The following SLC12A2 variants were observed in gnomAD, a reference collection of about 807,000 sequenced individuals.
SLC12A2 encodes solute carrier family 12 member 2, also known as Na-K-2Cl cotransporter 1.
A neutral mutation model predicts 136.3 loss-of-function variants in SLC12A2; 67 were observed. The ratio of observed to expected loss-of-function variants is 0.49; its 90% CI spans 0.40 to 0.60. The LOEUF is 0.60. SLC12A2 is among the 20% of genes least tolerant of loss of function. SLC12A2 has a pLI of 0.00. For missense variants in SLC12A2, 1,322 were observed against 1,534.7 expected (o/e 0.86, Z 2.32); for synonymous variants, 619 against 562.9 (o/e 1.10, Z -1.41).
At position 128,105,286 on chromosome 5, in the gene SLC12A2, G is replaced by A. The variant is rs535045375; in HGVS notation, c.757-7528G>A. Among the ~76,000 whole-genome samples, 52 of 152,324 alleles carry A rather than the reference G, an allele frequency of 3.4e-4. 2 individuals carry two copies. The highest frequency in any genetic ancestry group is 1.2e-3 in the South Asian group (6 of 4,832). ...TTACGACTTAACACATATACACGAT[G>A]TTTAGAGCTATGAGTCTGGTACGAT... On this transcript the variant is annotated intron_variant, in intron 1 of 26. Transcript: ENST00000262461.
chr5:128,156,739 T>C (rs1762882741), intron 15 of SLC12A2, among the ~76,000 whole-genome samples: 1 of 152,186 alleles, frequency 6.6e-6, no homozygotes, highest in South Asian at 2.1e-4. Flanking sequence ...TCCTTATCAG[T>C]CTGCCATTCC....
At position 128,161,743 on chromosome 5, in the gene SLC12A2, A is replaced by G. The variant is rs1053617; in HGVS notation, c.2559A>G (p.Ala853=). The change falls in exon 17 of 27, where the codon GCA becomes GCG. Residue 853 remains alanine, a synonymous_variant. Transcript: ENST00000262461. The part of the protein sequence containing the change: ...QRWLIKNKMK[A]FYAPVHADDL... ...GGCTTATTAAGAACAAAATGAAGGC[A>G]TTTTATGCTCCAGTACATGCAGATG... is the stretch of plus-strand genomic sequence containing the variant. 4 of 1,534,222 alleles carry G rather than the reference A, an allele frequency of 2.6e-6. No homozygotes were observed. The highest frequency in any genetic ancestry group is 2.8e-5 in the African/African-American group (2 of 70,724).
At chr5:128,123,494 T>C (rs1761666548) in intron 4 of SLC12A2, among the ~76,000 whole-genome samples, 1 of 152,182 alleles carries the variant, frequency 6.6e-6, no homozygotes, top group African/African-American at 2.4e-5. Context: ...TCACCAACAG[T>C]TGGTATGGTC....
intron 10 of SLC12A2, among the ~76,000 whole-genome samples, chr5:128,145,945 G>A (rs1226075387): frequency 6.6e-6 from 1 of 151,946 alleles, no homozygotes. Context: ...ACTGCTGGGA[G>A]ATTTATAATA....
chr5:128,151,548 C>T, intron 14 of SLC12A2, 152 bp downstream of exon 14: 1 of 620,484 alleles, frequency 1.6e-6, no homozygotes, highest in Non-Finnish European at 2.5e-6. Context: ...TATTTCCAAA[C>T]TCCTAAAGTT....
At position 128,180,192 on chromosome 5, in the gene SLC12A2, G is replaced by C. The variant is rs147196867; in HGVS notation, c.3101-691G>C. On this transcript the variant is annotated intron_variant, in intron 22 of 26. Coordinates refer to ENST00000262461, the MANE Select transcript of SLC12A2 (RefSeq NM_001046.3). ...TCATCGTGTTAGCCAGGATGGTCTCGATCTCCTGACCTCGTGATCCACCCA... is the reference window on the plus strand; with the variant it reads ...TCATCGTGTTAGCCAGGATGGTCTCCATCTCCTGACCTCGTGATCCACCCA... Among the ~76,000 whole-genome samples, 1,321 of 151,522 alleles carry C rather than the reference G, an allele frequency of 8.7e-3. 22 individuals carry two copies. Among genetic ancestry groups the C allele is most frequent in the African/African-American group, 0.03 (1,241 of 41,254 alleles).
chr5:128,106,250 A>G (rs1362703539), intron 1 of SLC12A2, among the ~76,000 whole-genome samples: 1 of 152,202 alleles, frequency 6.6e-6, no homozygotes, highest in Non-Finnish European at 1.5e-5. Context: ...CCAAAAATCT[A>G]TCATTTCTGT....
intron 14 of SLC12A2, among the ~76,000 whole-genome samples, chr5:128,152,466 A>G (rs1289044895): frequency 6.6e-6 from 1 of 152,210 alleles, no homozygotes; most frequent in Admixed American, 6.5e-5. Context: ...TATGCACAGC[A>G]TGTCTGCAGC....
intron 1 of SLC12A2, among the ~76,000 whole-genome samples, chr5:128,111,721 C>T (rs865817867): frequency 8.7e-5 from 13 of 148,922 alleles, no homozygotes; most frequent in Admixed American, 3.4e-4. Flanking sequence ...GCTGAGATCG[C>T]GCCACTGCAC....
chr5:128,104,586 C>T (rs965906081), intron 1 of SLC12A2, among the ~76,000 whole-genome samples: 2 of 151,166 alleles, frequency 1.3e-5, no homozygotes, highest in Non-Finnish European at 2.9e-5. Context: ...GAGCCCAGAT[C>T]GTGCCATTGC....
In SLC12A2 at chr5:128,184,391, G is replaced by C; in HGVS notation, c.3325G>C (p.Glu1109Gln). Residue 1109 changes from glutamate (E) to glutamine (Q), a missense_variant, in exon 25 of 27, where the codon GAG becomes CAG. Glu to Gln is a conservative substitution (Grantham distance 29, BLOSUM62 2). This residue lies in a region of SLC12A2 where 172 missense variants were observed against 227.4 expected (regional missense o/e 0.76). Transcript: ENST00000262461. Reference protein sequence around the residue: ...ENIIAFEEIIEPYRLHEDDKE... With the variant: ...ENIIAFEEIIQPYRLHEDDKE... ...TATTATAGCTTTTGAGGAAATCATT[G>C]AGCCATACAGACTTCATGAAGATGA... 6.4e-7 allele frequency: 1 copy of C among 1,565,452 alleles called. No homozygotes were observed. The highest frequency in any genetic ancestry group is 8.7e-7 in the Non-Finnish European group (1 of 1,155,360).
chr5:128,128,200 A>G (rs1409370488), intron 4 of SLC12A2, among the ~76,000 whole-genome samples: 6 of 152,184 alleles, frequency 3.9e-5, no homozygotes, highest in Non-Finnish European at 5.9e-5. Context: ...ATTGAGACAC[A>G]CTTTATGACT....
rs1222137092 is a variant in SLC12A2 at position 128,165,932 on chromosome 5, C to G, written c.2617-1829C>G. On this transcript the variant is annotated intron_variant, in intron 17 of 26. Transcript: ENST00000262461. Reference sequence around the variant, plus strand: ...TTTCTTTTACCTCCCCCCCCCCCCCCCAGTTAAAAATATGCTGTGTGGTTA... The same window carrying G: ...TTTCTTTTACCTCCCCCCCCCCCCCGCAGTTAAAAATATGCTGTGTGGTTA... Among the ~76,000 whole-genome samples the G allele has an allele frequency of 3.8e-5, 4 of 105,860 alleles. No individual in the cohort carries two copies. The South Asian group carries it at 1.0e-3, about 27-fold the overall frequency. The allele number at this position is 105,860 out of a possible 152,430, so 69.4% of individuals were successfully genotyped here. A position where few individuals can be genotyped will look rare whatever the true frequency, so the allele number is the denominator to read the frequency against.
In SLC12A2 at chr5:128,187,764, T is replaced by TAATA. The variant is rs1763912659; in HGVS notation, c.*1134_*1137dup. Reference sequence around the variant, plus strand: ...TGAATATTAAAATTTAATCCATTCTTAATATTTTAAAACTTTTGTTAAGAA... The same window carrying TAATA: ...TGAATATTAAAATTTAATCCATTCTTAATAAATATTTTAAAACTTTTGTTAAGAA... On this transcript the variant is annotated 3_prime_UTR_variant, in exon 27 of 27. Coordinates refer to ENST00000262461, the MANE Select transcript of SLC12A2 (RefSeq NM_001046.3). 6.6e-6 allele frequency: 1 copy of TAATA among 152,600 alleles called. No homozygotes were observed. The highest frequency in any genetic ancestry group is 1.9e-4 in the East Asian group (1 of 5,200). The allele number at this position is 152,600 out of a possible 1,614,324, so 9.5% of individuals were successfully genotyped here.
intron 1 of SLC12A2, among the ~76,000 whole-genome samples, chr5:128,111,697 G>A (rs1321194403): frequency 2.6e-5 from 4 of 151,354 alleles, no homozygotes; most frequent in East Asian, 1.9e-4. Context: ...CCTGGGAGGC[G>A]GAGCTTGCAG....
rs1441586481 is a variant in SLC12A2, at chr5:128,185,857, T to C, written c.3504-639T>C. 2.6e-5 allele frequency among the ~76,000 whole-genome samples: 4 copies of C among 152,144 alleles called. No homozygotes were observed. The East Asian group carries it at 5.8e-4, about 22-fold the overall frequency. On this transcript the variant is annotated intron_variant, in intron 26 of 26. Transcript: ENST00000262461. ...TATGAACAAATTTTGAAAAATCTTT[T>C]GTTGAAAGATTATAGTCTTTTATAT...
intron 4 of SLC12A2, among the ~76,000 whole-genome samples, chr5:128,130,042 T>TC (rs1761957501): frequency 6.6e-6 from 1 of 152,152 alleles, no homozygotes; most frequent in Non-Finnish European, 1.5e-5. Flanking sequence ...TTTGTTTTTT[T>TC]TTTTTGGTCT....
chr5:128,124,785 G>A (rs1271884267), intron 4 of SLC12A2, among the ~76,000 whole-genome samples: 1 of 151,006 alleles, frequency 6.6e-6, no homozygotes, highest in Non-Finnish European at 1.5e-5. Context: ...TGAGGGGTGG[G>A]AGCTGGGGTG....
chr5:128,182,172 A>G (rs1171535236), intron 23 of SLC12A2, among the ~76,000 whole-genome samples: 5 of 152,176 alleles, frequency 3.3e-5, no homozygotes, highest in Non-Finnish European at 1.5e-5. Context: ...AGTCAAACCT[A>G]TAGCAGATCT....
Sources: gnomAD v4.1 joint callset for allele counts (sites outside exome capture counted in the v4.1 genomes callset) on GRCh38, gnomAD v4.1.1 for gene constraint, gnomAD v4.1.1 regional missense constraint, MANE v1.5 for transcripts, NCBI Gene and HGNC (gene_info 2026-07-23, HGNC 2026-07-21) for gene names.